Variants in MSH4 observed in about 807,000 individuals in gnomAD.
MSH4 encodes the protein mutS protein homolog 4.
In MSH4, 106 loss-of-function variants were observed where a neutral mutation model predicts 113.7. The ratio of observed to expected loss-of-function variants is 0.93; its 90% CI spans 0.80 to 1.10. MSH4 has a LOEUF of 1.10. MSH4 is among the 50% of genes least tolerant of loss of function. The pLI, the probability that MSH4 is intolerant of heterozygous loss-of-function variation, is 0.00. For missense variants in MSH4, 1,061 were observed against 1,093.7 expected, an observed-to-expected ratio of 0.97 and a Z score of 0.42; for synonymous variants, 368 against 380.2, an observed-to-expected ratio of 0.97 and a Z score of 0.37.
intron 8 of MSH4, among the ~76,000 whole-genome samples, chr1:75,851,808 T>C (rs904515093): frequency 1.3e-5 from 2 of 152,252 alleles, no homozygotes; most frequent in African/African-American, 4.8e-5. Context: ...TATGCTATTA[T>C]TGTAACATGT....
At chr1:75,902,685 A>G (rs1450141270) in intron 19 of MSH4, among the ~76,000 whole-genome samples, 392 of 6,300 alleles carry the variant, frequency 0.062, 7 homozygotes, top group African/African-American at 0.22. Flanking sequence ...ATATATATAT[A>G]TATATATATA....
At chr1:75,806,502 C>A (rs866550713) in intron 2 of MSH4, among the ~76,000 whole-genome samples, 1 of 152,042 alleles carries the variant, frequency 6.6e-6, no homozygotes, top group Non-Finnish European at 1.5e-5. Flanking sequence ...CCACCTCGGC[C>A]TCCCAAAGTG....
chr1:75,886,513 A>T (rs1235953939), intron 15 of MSH4, among the ~76,000 whole-genome samples: 2 of 111,652 alleles, frequency 1.8e-5, no homozygotes, highest in Admixed American at 1.0e-4. Context: ...ATTATATATA[A>T]TATATATGAT....
Position 75,807,096 on chromosome 1 carries a change from C to G in MSH4, c.543C>G (p.Pro181=), listed in dbSNP as rs760226880. The change falls in exon 3 of 20, where the codon CCC becomes CCG. Residue 181 remains proline, a synonymous_variant. Coordinates refer to ENST00000263187, the MANE Select transcript of MSH4 (RefSeq NM_002440.4). ...IGMASIDLKN[P]QIILSQFADN... is the part of the protein sequence containing the mutation. ...TGGCAAGTATTGATTTAAAAAACCC[C>G]CAAATTATACTATCCCAGTTTGCAG... 1 of 1,580,072 alleles carries G rather than the reference C, an allele frequency of 6.3e-7. No homozygotes were observed. Among genetic ancestry groups the G allele is most frequent in the African/African-American group, 1.4e-5 (1 of 72,652 alleles).
intron 7 of MSH4, among the ~76,000 whole-genome samples, chr1:75,824,904 G>GTTTTTTTTT (rs71588855): frequency 1.6e-4 from 19 of 120,226 alleles, no homozygotes; most frequent in East Asian, 4.9e-4. Context: ...CTTCAGCTTT[G>GTTTTTTTTT]TTTTTTTTTT....
chr1:75,878,885 T>A (rs1426241968), intron 11 of MSH4, 107 bp from the exon 12 acceptor site: 1 of 1,015,674 alleles, frequency 9.8e-7, no homozygotes, highest in Non-Finnish European at 1.4e-6. Flanking sequence ...TATTTATGTA[T>A]AAAATAAGAA....
At chr1:75,884,294 A>G (rs1018343923) in intron 15 of MSH4, among the ~76,000 whole-genome samples, 1 of 152,104 alleles carries the variant, frequency 6.6e-6, no homozygotes, top group Non-Finnish European at 1.5e-5. Flanking sequence ...AGCAGTTGAT[A>G]TATTATACAT....
At chr1:75,839,600 A>G (rs1426404612) in intron 7 of MSH4, among the ~76,000 whole-genome samples, 1 of 152,178 alleles carries the variant, frequency 6.6e-6, no homozygotes, top group Non-Finnish European at 1.5e-5. Context: ...TTTACAGTTT[A>G]TTAAAATATA....
At chr1:75,798,760 G>A (rs747921837) in intron 1 of MSH4, among the ~76,000 whole-genome samples, 14 of 151,474 alleles carry the variant, frequency 9.2e-5, no homozygotes, top group African/African-American at 1.7e-4. Context: ...GTTTTCCTAC[G>A]TTGCCCAGCC....
At chr1:75,864,401 T>A (rs1396658833) in intron 8 of MSH4, among the ~76,000 whole-genome samples, 2 of 152,206 alleles carry the variant, frequency 1.3e-5, no homozygotes, top group African/African-American at 4.8e-5. Context: ...TGCTGGGTCA[T>A]GTGGTATGCA....
chr1:75,887,161 G>C (rs558841382), intron 15 of MSH4, among the ~76,000 whole-genome samples: 1 of 152,086 alleles, frequency 6.6e-6, no homozygotes, highest in South Asian at 2.1e-4. Context: ...TCAAGGGAGG[G>C]ACCTGGTCGG....
At chr1:75,866,350 G>T (rs1276942333) in intron 8 of MSH4, among the ~76,000 whole-genome samples, 1 of 151,768 alleles carries the variant, frequency 6.6e-6, no homozygotes, top group Non-Finnish European at 1.5e-5. Flanking sequence ...TTTTTGTAGA[G>T]GCAGAGTTTT....
rs1651613522 is a variant in MSH4, at chr1:75,867,518, A to G, written c.1235A>G (p.Asn412Ser). 6.3e-7 allele frequency: 1 copy of G among 1,587,042 alleles called. No homozygotes were observed. The highest frequency in any genetic ancestry group is 8.6e-7 in the Non-Finnish European group (1 of 1,163,980). ...LVQIPKQDTV[N>S]AAESKITNLI... ...TTTGGGTTTTTATCTTAACAGGTCA[A>G]TGCTGCTGAATCAAAGATAACAAAT... The change falls in exon 9 of 20, where the codon AAT (asparagine) becomes AGT (serine). Residue 412 changes from asparagine to serine, a missense_variant. Coordinates refer to ENST00000263187, the MANE Select transcript of MSH4 (RefSeq NM_002440.4).
intron 8 of MSH4, among the ~76,000 whole-genome samples, chr1:75,864,570 T>C (rs1651522892): frequency 6.6e-6 from 1 of 152,222 alleles, no homozygotes; most frequent in Non-Finnish European, 1.5e-5. Flanking sequence ...TGGTTTTAAT[T>C]TGTGTTTTCC....
intron 8 of MSH4, among the ~76,000 whole-genome samples, chr1:75,848,535 C>A (rs1651122671): frequency 6.6e-6 from 1 of 152,100 alleles, no homozygotes. Context: ...CAAGGCAGTT[C>A]AAGACAAGCC....
intron 4 of MSH4, among the ~76,000 whole-genome samples, chr1:75,811,908 A>G (rs1650197677): frequency 1.3e-5 from 2 of 152,212 alleles, no homozygotes; most frequent in Admixed American, 1.3e-4. Flanking sequence ...GATTTCCTGT[A>G]TAGATGAGCT....
chr1:75,826,089 G>C (rs929766688), intron 7 of MSH4, among the ~76,000 whole-genome samples: 4 of 140,952 alleles, frequency 2.8e-5, no homozygotes, highest in African/African-American at 9.7e-5. Flanking sequence ...GAATCCATCT[G>C]GTCCTGAGCT....
At chr1:75,896,001 GCATTT>G (rs1284024480) in intron 17 of MSH4, among the ~76,000 whole-genome samples, 4 of 152,068 alleles carry the variant, frequency 2.6e-5, no homozygotes, top group Non-Finnish European at 5.9e-5. Context: ...ATCTGTAAGG[GCATTT>G]CTGGATGAGA....
chr1:75,892,178 T>A (rs1570993538), intron 17 of MSH4, among the ~76,000 whole-genome samples: 1 of 152,206 alleles, frequency 6.6e-6, no homozygotes, highest in Non-Finnish European at 1.5e-5. Context: ...ATGGAAGATC[T>A]GTTCTTTACT....
Sources: gnomAD v4.1 joint callset for allele counts (sites outside exome capture counted in the v4.1 genomes callset) on GRCh38, gnomAD v4.1.1 for gene constraint, MANE v1.5 for transcripts, NCBI Gene and HGNC (gene_info 2026-07-23, HGNC 2026-07-21) for gene names.